Variants in CCNY observed in about 807,000 individuals in gnomAD.
CCNY encodes cyclin-Y.
CCNY carries 19 observed loss-of-function variants against 42.8 expected under a neutral mutation model. The observed-to-expected ratio is 0.44, with a 90% CI of 0.31 to 0.65. The LOEUF (loss-of-function observed/expected upper bound fraction) is 0.65, where lower values mean the gene tolerates loss of function less well. Among genes scored for constraint, CCNY ranks in the 30% least tolerant of loss-of-function variants. CCNY has a pLI of 0.07. For missense variants in CCNY, 370 were observed against 437.3 expected, an observed-to-expected ratio of 0.85 and a Z score of 1.37; for synonymous variants, 165 against 162.7, an observed-to-expected ratio of 1.01 and a Z score of -0.11.
intron 1 of CCNY, among the ~76,000 whole-genome samples, chr10:35,427,874 C>T (rs1395422931): frequency 6.6e-6 from 1 of 151,960 alleles, no homozygotes; most frequent in Non-Finnish European, 1.5e-5. Flanking sequence ...CCCTCAAGTT[C>T]TGTTCTGGAT....
intron 8 of CCNY, among the ~76,000 whole-genome samples, chr10:35,565,439 G>A (rs1841549967): frequency 6.6e-6 from 1 of 152,202 alleles, no homozygotes; most frequent in African/African-American, 2.4e-5. Flanking sequence ...CTCAAGTGTG[G>A]AAACTACTGC....
chr10:35,295,381 G>A (rs868502839), intron 3 of CCNY, among the ~76,000 whole-genome samples: 1 of 151,806 alleles, frequency 6.6e-6, no homozygotes. Flanking sequence ...ACAGGCATGT[G>A]CCACCACGCC....
chr10:35,287,308 T>C (rs982836549), intron 3 of CCNY, among the ~76,000 whole-genome samples: 11 of 152,238 alleles, frequency 7.2e-5, no homozygotes, highest in African/African-American at 2.2e-4. Context: ...CTTTAAATGT[T>C]ATACACACAC....
chr10:35,514,041 T>C (rs967823113), intron 3 of CCNY, among the ~76,000 whole-genome samples: 14 of 136,962 alleles, frequency 1.0e-4, no homozygotes, highest in Admixed American at 2.4e-4. Flanking sequence ...GGAGGTGTTG[T>C]ACTTTCCTCC....
chr10:35,348,047 C>G (rs1032456679), intron 1 of CCNY, among the ~76,000 whole-genome samples: 3 of 152,166 alleles, frequency 2.0e-5, no homozygotes, highest in African/African-American at 7.2e-5. Context: ...TAGGGATAAT[C>G]TTATTTTTCC....
intron 1 of CCNY, among the ~76,000 whole-genome samples, chr10:35,458,489 G>A (rs557959329): frequency 1.3e-5 from 2 of 152,316 alleles, no homozygotes; most frequent in South Asian, 2.1e-4. Context: ...ATCTGGTTGC[G>A]GGGTTAGGGT....
chr10:35,465,774 C>G (rs1024001597), intron 1 of CCNY, among the ~76,000 whole-genome samples: 3 of 152,138 alleles, frequency 2.0e-5, no homozygotes, highest in Non-Finnish European at 4.4e-5. Flanking sequence ...CTGCGTGAGG[C>G]CCGTCGAAAT....
At chr10:35,284,038 C>T (rs963742054) in intron 3 of CCNY, among the ~76,000 whole-genome samples, 8 of 151,954 alleles carry the variant, frequency 5.3e-5, no homozygotes, top group African/African-American at 1.9e-4. Flanking sequence ...GAACTGAGAT[C>T]GGGTCAATGC....
chr10:35,367,263 T>C (rs906730029), intron 1 of CCNY, among the ~76,000 whole-genome samples: 1 of 152,220 alleles, frequency 6.6e-6, no homozygotes, highest in Admixed American at 6.5e-5. Flanking sequence ...ACCTTATGAC[T>C]GTATAGTATT....
chr10:35,517,425 C>A lies in CCNY; in HGVS notation c.365+802C>A, dbSNP rs112695650. ...CTGAATTTTATCTCTATACTTGTTT[C>A]AGAAAGCACACATTTCACAATACAT... On this transcript the variant is annotated intron_variant, in intron 4 of 9. Transcript: ENST00000374704. Among the ~76,000 whole-genome samples the A allele has an allele frequency of 3.4e-3, 512 of 152,268 alleles. 4 individuals are homozygous for A. The highest frequency in any genetic ancestry group is 0.012 in the African/African-American group (482 of 41,552).
chr10:35,438,356 A>G (rs886464533), intron 1 of CCNY, among the ~76,000 whole-genome samples: 4 of 151,806 alleles, frequency 2.6e-5, no homozygotes, highest in African/African-American at 4.8e-5. Context: ...AGATCTCACT[A>G]TGTTTCCCAG....
intron 3 of CCNY, among the ~76,000 whole-genome samples, chr10:35,506,267 G>A (rs931782748): frequency 2.0e-5 from 3 of 152,170 alleles, no homozygotes; most frequent in Non-Finnish European, 4.4e-5. Context: ...AAAAGTAACA[G>A]CAATAATTGA....
intron 7 of CCNY, among the ~76,000 whole-genome samples, chr10:35,536,940 C>T (rs1456035591): frequency 1.3e-5 from 2 of 152,162 alleles, no homozygotes; most frequent in African/African-American, 4.8e-5. Flanking sequence ...TGTTAATCCC[C>T]AAGACAATGG....
chr10:35,267,620 A>G (rs2095726952), intron 3 of CCNY, among the ~76,000 whole-genome samples: 1 of 152,190 alleles, frequency 6.6e-6, no homozygotes, highest in African/African-American at 2.4e-5. Flanking sequence ...TAGATGTAAA[A>G]GGAAGACGAT....
intron 3 of CCNY, among the ~76,000 whole-genome samples, chr10:35,321,807 TCAAGACTGACTATAAAGCTA>T (rs1169223541): frequency 6.6e-6 from 1 of 152,164 alleles, no homozygotes; most frequent in Non-Finnish European, 1.5e-5. Context: ...CTATCAAATT[TCAAGACTGACTATAAAGCTA>T]CATTATTATT....
At position 35,506,587 on chromosome 10, in the gene CCNY, A is replaced by G. The variant is rs961975152; in HGVS notation, c.264+5052A>G. Among the ~76,000 whole-genome samples the G allele has an allele frequency of 2.6e-5, 4 of 151,870 alleles. No individual in the cohort carries two copies. In the East Asian group the frequency reaches 7.7e-4, roughly 29 times the overall value. On this transcript the variant is annotated intron_variant, in intron 3 of 9. Coordinates refer to ENST00000374704, the MANE Select transcript of CCNY (RefSeq NM_145012.6). Reference sequence around the variant, plus strand: ...CCTTCTTCCCTTTCTTCATGCTGTCACTCTTGTAATGAGGCACAAAGGAAG... The same window carrying G: ...CCTTCTTCCCTTTCTTCATGCTGTCGCTCTTGTAATGAGGCACAAAGGAAG...
rs533068470 is a variant in CCNY at position 35,543,752 on chromosome 10, G to A, written c.580-9267G>A. Among the ~76,000 whole-genome samples, 6 of 152,220 alleles carry A rather than the reference G, an allele frequency of 3.9e-5. No individual in the cohort carries two copies. The East Asian group carries it at 1.2e-3, about 29-fold the overall frequency. On this transcript the variant is annotated intron_variant, in intron 7 of 9. Coordinates refer to ENST00000374704, the MANE Select transcript of CCNY (RefSeq NM_145012.6). ...GAAACAGCCTTAGGCAGGTCCTTCA[G>A]GAGGTGTTCTGGAAGCAGGCAGGAG...
upstream of CCNY, among the ~76,000 whole-genome samples, chr10:35,335,251 C>T (rs1205634195): frequency 2.6e-5 from 4 of 152,138 alleles, no homozygotes; most frequent in Non-Finnish European, 5.9e-5. Flanking sequence ...CCCAGCCAGG[C>T]ATGTTCACAT....
At chr10:35,253,065 A>G (rs1474736529) in intron 3 of CCNY, among the ~76,000 whole-genome samples, 2 of 152,192 alleles carry the variant, frequency 1.3e-5, no homozygotes, top group East Asian at 1.9e-4. Context: ...GGGACTGAAC[A>G]CTATTAAGTC....
Sources: allele counts gnomAD v4.1 joint callset (sites outside exome capture counted in the v4.1 genomes callset), GRCh38; gene constraint gnomAD v4.1.1; transcripts MANE v1.5; gene names NCBI Gene and HGNC (gene_info 2026-07-23, HGNC 2026-07-21).